Variants in VSIG1 observed in about 807,000 individuals in gnomAD.
VSIG1 encodes V-set and immunoglobulin domain containing 1.
VSIG1 carries 11 observed loss-of-function variants against 20.1 expected under a neutral mutation model. The observed-to-expected ratio is 0.55, with a 90% CI of 0.34 to 0.91. The LOEUF is 0.91. Ranked by LOEUF, VSIG1 falls within the 40% of genes least tolerant of loss-of-function variation. The probability of loss-of-function intolerance (pLI) is 0.02; values close to 1 mark genes in which losing one functional copy is unlikely to be tolerated. For missense variants in VSIG1, 283 were observed against 298.8 expected (o/e 0.95, Z 0.39); for synonymous variants, 126 against 116.7 (o/e 1.08, Z -0.52).
chrX:108,025,744 A>G, the VSIG1 span, among the ~76,000 whole-genome samples: 11 of 112,955 alleles, frequency 9.7e-5, no homozygotes, highest in Middle Eastern at 0.014. Context: ...AATGGCTGAG[A>G]TGGGTAATTT....
chrX:108,025,077 G>A, the VSIG1 span, among the ~76,000 whole-genome samples: 2 of 111,444 alleles, frequency 1.8e-5, no homozygotes, highest in Non-Finnish European at 3.8e-5. Context: ...ATGTAGAACT[G>A]TGTATTTATC....
intron 3 of VSIG1, among the ~76,000 whole-genome samples, chrX:108,071,514 T>C (rs1457763746): frequency 1.8e-5 from 2 of 111,204 alleles, no homozygotes; most frequent in Non-Finnish European, 3.8e-5. Flanking sequence ...CCCACAGGAC[T>C]TCTCCCCTGA....
chrX:108,065,543 G>A (rs1032637009), intron 2 of VSIG1, among the ~76,000 whole-genome samples: 3 of 111,811 alleles, frequency 2.7e-5, no homozygotes, highest in South Asian at 7.5e-4. Context: ...TGTGTATTAT[G>A]AAGGGACCTC....
rs770041005 is a variant in VSIG1 at position 108,073,354 on chromosome X, G to A, written c.673G>A (p.Asp225Asn). The A allele has an allele frequency of 4.1e-6, 5 of 1,210,469 alleles. No individual in the cohort carries two copies. The South Asian group carries it at 5.3e-5, about 13-fold the overall frequency. Residue 225 changes from aspartate (D) to asparagine (N), a missense_variant, in exon 5 of 7, where the codon GAT becomes AAT. Asp to Asn is a conservative substitution (Grantham distance 23). Transcript: ENST00000217957. ...NRLGNSSCEI[D>N]LTSSHPEVGI... is the part of the protein sequence containing the mutation. ...ACTTGGCAATAGTTCCTGCGAAATC[G>A]ATCTCACTTCTTCACGTGAGTTGAC...
At chrX:108,023,430 C>A in the VSIG1 span, among the ~76,000 whole-genome samples, 2 of 111,944 alleles carry the variant, frequency 1.8e-5, no homozygotes, top group Admixed American at 1.9e-4. Flanking sequence ...ATGTCTTTGA[C>A]TTTGATATCA....
the VSIG1 span, among the ~76,000 whole-genome samples, chrX:108,038,253 AC>A: frequency 5.5e-5 from 6 of 110,037 alleles, no homozygotes; most frequent in African/African-American, 2.0e-4. Context: ...TTCCCCTTGA[AC>A]CCCAACCTCG....
At chrX:108,019,182 C>T in the VSIG1 span, among the ~76,000 whole-genome samples, 6 of 111,731 alleles carry the variant, frequency 5.4e-5, no homozygotes, top group Non-Finnish European at 7.5e-5. Context: ...AGGGCTGGTG[C>T]CCAGAACTGT....
intron 2 of VSIG1, among the ~76,000 whole-genome samples, chrX:108,060,529 A>G (rs1295672942): frequency 1.8e-5 from 2 of 111,017 alleles, no homozygotes; most frequent in East Asian, 2.8e-4. Flanking sequence ...TTAGCTCTCT[A>G]CTTCTAAAGA....
intron 3 of VSIG1, among the ~76,000 whole-genome samples, chrX:108,069,282 T>C (rs192175165): frequency 2.7e-5 from 3 of 111,874 alleles, no homozygotes; most frequent in East Asian, 2.8e-4. Context: ...GACTTTTCCT[T>C]AAGCAGCCAG....
the VSIG1 span, among the ~76,000 whole-genome samples, chrX:108,028,996 T>C: frequency 9.0e-6 from 1 of 111,676 alleles, no homozygotes; most frequent in Non-Finnish European, 1.9e-5. Flanking sequence ...CAATTGAGGA[T>C]ACTGAAGGGT....
chrX:108,048,069 T>C (rs2032537399), intron 1 of VSIG1, among the ~76,000 whole-genome samples: 1 of 97,067 alleles, frequency 1.0e-5, no homozygotes, highest in Middle Eastern at 4.8e-3. Flanking sequence ...AATGGCACGA[T>C]CTCGGCCCAC....
intron 1 of VSIG1, among the ~76,000 whole-genome samples, chrX:108,052,164 C>T (rs1286186730): frequency 9.0e-6 from 1 of 111,447 alleles, no homozygotes; most frequent in Non-Finnish European, 1.9e-5. Context: ...GTACACTGTT[C>T]GGGTAATGGG....
In VSIG1 at chrX:108,076,156, C is replaced by T. The variant is rs764043766; in HGVS notation, c.768C>T (p.Phe256=). ...CCATCATCATCTCTGTTGTGTGCTT[C>T]GCAAGGAATAAGGCAAAAGCAAAGG... ...GAAIIISVVC[F]ARNKAKAKAK... Residue 256 remains phenylalanine (F), a synonymous_variant, in exon 6 of 7, where the codon TTC becomes TTT. Coordinates refer to ENST00000217957, the MANE Select transcript of VSIG1 (RefSeq NM_182607.5). 4.8e-5 allele frequency: 58 copies of T among 1,209,274 alleles called. No individual in the cohort carries two copies. The South Asian group carries it at 6.2e-4, about 13-fold the overall frequency.
the VSIG1 span, among the ~76,000 whole-genome samples, chrX:108,030,856 T>C: frequency 2.7e-5 from 3 of 111,888 alleles, no homozygotes; most frequent in Admixed American, 1.9e-4. Context: ...TGGTGAGTTG[T>C]CTAATGCCAG....
At chrX:108,051,324 C>A (rs1473532654) in intron 1 of VSIG1, among the ~76,000 whole-genome samples, 5 of 111,357 alleles carry the variant, frequency 4.5e-5, no homozygotes, top group African/African-American at 1.6e-4. Flanking sequence ...ACCATACCTA[C>A]CCCAACTGAG....
intron 3 of VSIG1, among the ~76,000 whole-genome samples, chrX:108,067,696 G>A (rs2031160709): frequency 8.9e-6 from 1 of 112,195 alleles, no homozygotes. Context: ...TGGGCAAGCC[G>A]TATCTGCTCT....
At chrX:108,049,363 G>A (rs754417477) in intron 1 of VSIG1, among the ~76,000 whole-genome samples, 2 of 112,090 alleles carry the variant, frequency 1.8e-5, no homozygotes, top group Non-Finnish European at 3.8e-5. Context: ...GCTTCCTGCT[G>A]CACTGAGGGA....
chrX:108,035,798 G>A, the VSIG1 span, among the ~76,000 whole-genome samples: 1 of 109,524 alleles, frequency 9.1e-6, no homozygotes, highest in Non-Finnish European at 1.9e-5. Flanking sequence ...GCAGGAATTG[G>A]GTTGACTATG....
Position 108,066,068 on chromosome X carries a change from C to A in VSIG1, c.214-868C>A, listed in dbSNP as rs200815104. Among the ~76,000 whole-genome samples, 14 of 111,395 alleles carry A rather than the reference C, an allele frequency of 1.3e-4. 1 individual carries two copies. The East Asian group carries it at 4.0e-3, about 31-fold the overall frequency. On this transcript the variant is annotated intron_variant, in intron 2 of 6. Coordinates refer to ENST00000217957, the MANE Select transcript of VSIG1 (RefSeq NM_182607.5). ...ACCCTTTCCACCACATCATGCTGCTCCCACAGTTGCCATTATGATCTAAGT... is the reference window on the plus strand; with the variant it reads ...ACCCTTTCCACCACATCATGCTGCTACCACAGTTGCCATTATGATCTAAGT...
Sources: allele counts gnomAD v4.1 joint callset (sites outside exome capture counted in the v4.1 genomes callset), GRCh38; gene constraint gnomAD v4.1.1; transcripts MANE v1.5; gene names NCBI Gene and HGNC (gene_info 2026-07-23, HGNC 2026-07-21).